The following MSRB3 variants were observed in gnomAD, a reference collection of about 807,000 sequenced individuals.
The protein encoded by MSRB3 is methionine-R-sulfoxide reductase B3.
A neutral mutation model predicts 21.0 loss-of-function variants in MSRB3; 13 were observed. That is an observed-to-expected ratio of 0.62 (90% CI 0.40 to 0.98). The LOEUF is 0.98. Among genes scored for constraint, MSRB3 ranks in the 50% least tolerant of loss-of-function variants. The probability of loss-of-function intolerance (pLI) is 0.00; values close to 1 mark genes in which losing one functional copy is unlikely to be tolerated. For synonymous variants in MSRB3, 87 were observed against 88.6 expected, an observed-to-expected ratio of 0.98 and a Z score of 0.10; for missense variants, 199 against 230.3, an observed-to-expected ratio of 0.86 and a Z score of 0.88.
Position 65,416,309 on chromosome 12 carries a change from G to C in MSRB3, c.293-37419G>C, listed in dbSNP as rs920132380. ...CTCAGAACACAGGAAGACTTACCCT[G>C]GTTGTGATTCTATCTCCTCGTTCTA... is the stretch of plus-strand genomic sequence containing the variant. On this transcript the variant is annotated intron_variant, in intron 5 of 6. Transcript: ENST00000308259. 2.0e-5 allele frequency among the ~76,000 whole-genome samples: 3 copies of C among 152,242 alleles called. No individual in the cohort carries two copies. The South Asian group carries it at 6.2e-4, about 32-fold the overall frequency.
At chr12:65,378,068 T>C (rs768574698) in intron 5 of MSRB3, among the ~76,000 whole-genome samples, 10 of 152,194 alleles carry the variant, frequency 6.6e-5, no homozygotes, top group Admixed American at 2.6e-4. Flanking sequence ...GCCACTAAGA[T>C]TTTTCTATCA....
chr12:65,445,938 C>T (rs572038364), intron 5 of MSRB3, among the ~76,000 whole-genome samples: 1 of 152,280 alleles, frequency 6.6e-6, no homozygotes, highest in East Asian at 1.9e-4. Context: ...AGCCACCATG[C>T]CCAGCCAAGA....
At chr12:65,459,983 T>C (rs533793734) in intron 6 of MSRB3, among the ~76,000 whole-genome samples, 57 of 152,342 alleles carry the variant, frequency 3.7e-4, no homozygotes, top group African/African-American at 1.2e-3. Flanking sequence ...TCAAATTTTT[T>C]CTTTTGAACA....
intron 5 of MSRB3, among the ~76,000 whole-genome samples, chr12:65,411,723 G>A (rs750121262): frequency 1.5e-4 from 23 of 149,570 alleles, no homozygotes; most frequent in Non-Finnish European, 3.1e-4. Flanking sequence ...AATTAAGCTA[G>A]ATTTATAATA....
chr12:65,422,167 A>T (rs942800767), intron 5 of MSRB3, among the ~76,000 whole-genome samples: 1 of 151,958 alleles, frequency 6.6e-6, no homozygotes, highest in Admixed American at 6.6e-5. Context: ...GCTCAATTCA[A>T]TAAGACCTAA....
At chr12:65,458,179 A>G (rs1046348695) in intron 6 of MSRB3, among the ~76,000 whole-genome samples, 5 of 152,180 alleles carry the variant, frequency 3.3e-5, no homozygotes, top group Non-Finnish European at 7.3e-5. Context: ...ACTCAACCTG[A>G]TCAGCAGTTT....
chr12:65,332,413 A>T (rs1875487667), intron 4 of MSRB3, among the ~76,000 whole-genome samples: 1 of 152,100 alleles, frequency 6.6e-6, no homozygotes, highest in Admixed American at 6.5e-5. Flanking sequence ...TACTAGTGGG[A>T]GGGAAATAGA....
chr12:65,457,699 T>A (rs1267738873), intron 6 of MSRB3, among the ~76,000 whole-genome samples: 1 of 151,450 alleles, frequency 6.6e-6, no homozygotes, highest in African/African-American at 2.4e-5. Context: ...AATCTATCCA[T>A]CTGACAAATG....
At chr12:65,439,383 A>G (rs1262905347) in intron 5 of MSRB3, among the ~76,000 whole-genome samples, 1 of 151,760 alleles carries the variant, frequency 6.6e-6, no homozygotes, top group African/African-American at 2.4e-5. Flanking sequence ...TGTGTAGTCA[A>G]ACTAAATAAG....
At chr12:65,289,770 C>T (rs1872574633) in intron 1 of MSRB3, among the ~76,000 whole-genome samples, 2 of 152,138 alleles carry the variant, frequency 1.3e-5, no homozygotes, top group Non-Finnish European at 2.9e-5. Context: ...AGATGTTTAG[C>T]TCCCACTTAG....
chr12:65,336,311 C>T lies in MSRB3; in HGVS notation c.263+7708C>T, dbSNP rs12317876. Among the ~76,000 whole-genome samples, 1,242 of 152,246 alleles carry T rather than the reference C, an allele frequency of 8.2e-3. 19 individuals are homozygous for T. Among genetic ancestry groups the T allele is most frequent in the African/African-American group, 0.029 (1,193 of 41,544 alleles). On this transcript the variant is annotated intron_variant, in intron 4 of 6. Transcript: ENST00000308259. ...TCCATTTGAGAAACTAGAAAACTAT[C>T]GCAAGGCATGACTCAAAGTATAACA...
intron 1 of MSRB3, among the ~76,000 whole-genome samples, chr12:65,294,324 G>C (rs1872827529): frequency 6.6e-6 from 1 of 152,198 alleles, no homozygotes; most frequent in Admixed American, 6.5e-5. Context: ...GGAATCTCCT[G>C]AATCTCACTA....
In MSRB3 at chr12:65,278,821, G is replaced by C. The variant is rs377713148; in HGVS notation, c.-96G>C. 6.4e-7 allele frequency: 1 copy of C among 1,565,356 alleles called. No homozygotes were observed. The highest frequency in any genetic ancestry group is 2.4e-5 in the East Asian group (1 of 42,184). On this transcript the variant is annotated 5_prime_UTR_variant, in exon 1 of 7. Coordinates refer to ENST00000308259, the MANE Select transcript of MSRB3 (RefSeq NM_001031679.3). ...CCCCTCTCGCTCTGCCTCTCCCTCT[G>C]CCTCTGCCTCTGCCTGGCCGCGGCT...
intron 5 of MSRB3, among the ~76,000 whole-genome samples, chr12:65,383,882 C>G (rs1475164321): frequency 6.6e-6 from 1 of 152,170 alleles, no homozygotes. Flanking sequence ...TGGTCTCGAA[C>G]TCCTGAACTC....
At chr12:65,406,569 A>G (rs1201364187) in intron 5 of MSRB3, among the ~76,000 whole-genome samples, 5 of 152,228 alleles carry the variant, frequency 3.3e-5, no homozygotes, top group Non-Finnish European at 7.3e-5. Context: ...AACATTTTTC[A>G]CAGAAATAGA....
At chr12:65,413,419 T>A (rs1880816571) in intron 5 of MSRB3, among the ~76,000 whole-genome samples, 1 of 152,216 alleles carries the variant, frequency 6.6e-6, no homozygotes, top group African/African-American at 2.4e-5. Context: ...AAATGCCTGA[T>A]TAGTTGTTGC....
At chr12:65,433,322 T>A (rs1039551956) in intron 5 of MSRB3, among the ~76,000 whole-genome samples, 3 of 151,982 alleles carry the variant, frequency 2.0e-5, no homozygotes, top group Admixed American at 6.6e-5. Flanking sequence ...TGTGAAGTAT[T>A]TGTGGTTTGA....
At chr12:65,317,961 T>G (rs1874407049) in intron 2 of MSRB3, among the ~76,000 whole-genome samples, 1 of 152,154 alleles carries the variant, frequency 6.6e-6, no homozygotes, top group Non-Finnish European at 1.5e-5. Context: ...GCCACATTAC[T>G]AGGTGCTGAG....
chr12:65,374,941 C>G lies in MSRB3; in HGVS notation c.292+5915C>G, dbSNP rs146389566. ...CTCGGCTCAATGCAAGCTCCGCCTC[C>G]CAGGTTTACGCCATTCTCCTGCTTC... On this transcript the variant is annotated intron_variant, in intron 5 of 6. Transcript: ENST00000308259. Among the ~76,000 whole-genome samples the G allele has an allele frequency of 6.6e-3, 1,010 of 152,062 alleles. 37 individuals are homozygous for G. Among genetic ancestry groups the G allele is most frequent in the Admixed American group, 0.053 (803 of 15,262 alleles).
Sources: gnomAD v4.1 joint callset for allele counts (sites outside exome capture counted in the v4.1 genomes callset) on GRCh38, gnomAD v4.1.1 for gene constraint, MANE v1.5 for transcripts, NCBI Gene and HGNC (gene_info 2026-07-23, HGNC 2026-07-21) for gene names.